The following VPS50 variants were observed in gnomAD, a reference collection of about 807,000 sequenced individuals.
VPS50 encodes syndetin.
VPS50 carries 70 observed loss-of-function variants against 139.7 expected under a neutral mutation model. The observed-to-expected ratio is 0.50, with a 90% confidence interval of 0.41 to 0.61. VPS50 has a LOEUF of 0.61. VPS50 is among the 20% of genes least tolerant of loss of function. The pLI is 0.00. For synonymous variants in VPS50, 365 were observed against 376.7 expected, an observed-to-expected ratio of 0.97 and a Z score of 0.36; for missense variants, 921 against 1,133.7, an observed-to-expected ratio of 0.81 and a Z score of 2.69.
intron 9 of VPS50, 94 bp from the exon 10 acceptor site, chr7:93,271,126 G>T: frequency 6.8e-7 from 1 of 1,477,236 alleles, no homozygotes. Context: ...CTTAATCTTT[G>T]AATTTATGGA....
chr7:93,244,577 T>C (rs753739075), intron 2 of VPS50, among the ~76,000 whole-genome samples: 1 of 151,950 alleles, frequency 6.6e-6, no homozygotes, highest in Non-Finnish European at 1.5e-5. Context: ...ACTTTCTATA[T>C]TGTAATTTTT....
chr7:93,305,166 G>A (rs976378579), intron 17 of VPS50, among the ~76,000 whole-genome samples: 2 of 151,878 alleles, frequency 1.3e-5, no homozygotes, highest in Non-Finnish European at 2.9e-5. Flanking sequence ...AATTAGCTGT[G>A]TGATGTTGAA....
intron 17 of VPS50, among the ~76,000 whole-genome samples, chr7:93,304,348 G>A (rs1562877652): frequency 6.6e-6 from 1 of 151,414 alleles, no homozygotes; most frequent in African/African-American, 2.4e-5. Flanking sequence ...TTTTTTGATA[G>A]GGATTGTCTT....
At chr7:93,260,784 C>T (rs1795645031) in intron 9 of VPS50, among the ~76,000 whole-genome samples, 1 of 152,068 alleles carries the variant, frequency 6.6e-6, no homozygotes, top group Non-Finnish European at 1.5e-5. Flanking sequence ...CAACCTCTGC[C>T]TCCTGGGTTC....
chr7:93,326,513 AAAT>A lies in VPS50; in HGVS notation c.1977+2785_1977+2787del, dbSNP rs1271861581. Reference sequence around the variant, plus strand: ...ATTGAAACCCAGAAAAAAAAATAAAAAATAATGAAAAATATTTATTAAAATAAT... The same window carrying A: ...ATTGAAACCCAGAAAAAAAAATAAAAAATGAAAAATATTTATTAAAATAAT... On this transcript the variant is annotated intron_variant, in intron 21 of 27. Transcript: ENST00000305866. Among the ~76,000 whole-genome samples, 4 of 151,532 alleles carry A rather than the reference AAAT, an allele frequency of 2.6e-5. No homozygotes were observed. In the South Asian group the frequency reaches 6.2e-4, roughly 24 times the overall value.
chr7:93,271,523 T>C (rs764796278), intron 10 of VPS50, among the ~76,000 whole-genome samples: 10 of 151,800 alleles, frequency 6.6e-5, no homozygotes, highest in Non-Finnish European at 1.2e-4. Flanking sequence ...AGGTGTGTTC[T>C]CATATAAATT....
intron 26 of VPS50, among the ~76,000 whole-genome samples, chr7:93,354,684 A>G (rs1007552607): frequency 5.9e-5 from 9 of 152,110 alleles, no homozygotes; most frequent in African/African-American, 2.2e-4. Flanking sequence ...TAAACTCTAT[A>G]AATCTTTCAT....
intron 12 of VPS50, among the ~76,000 whole-genome samples, chr7:93,288,253 A>G (rs1224256034): frequency 6.6e-6 from 1 of 152,136 alleles, no homozygotes; most frequent in Non-Finnish European, 1.5e-5. Context: ...ACTAAGGGAA[A>G]ACATTAAGAC....
intron 13 of VPS50, among the ~76,000 whole-genome samples, chr7:93,294,172 G>A (rs1186726910): frequency 2.6e-5 from 4 of 152,036 alleles, no homozygotes; most frequent in African/African-American, 7.3e-5. Context: ...CTCTTAGCAC[G>A]CATATTAATT....
At chr7:93,342,440 A>C (rs1255579065) in intron 23 of VPS50, among the ~76,000 whole-genome samples, 2 of 152,178 alleles carry the variant, frequency 1.3e-5, no homozygotes, top group Non-Finnish European at 2.9e-5. Flanking sequence ...TAGGTAAACA[A>C]AGCAGCCTGG....
intron 1 of VPS50, among the ~76,000 whole-genome samples, chr7:93,235,850 CT>C (rs947770691): frequency 9.9e-5 from 15 of 152,140 alleles, no homozygotes; most frequent in African/African-American, 3.6e-4. Flanking sequence ...AGCTGAAACT[CT>C]GGGAGTTACA....
intron 20 of VPS50, among the ~76,000 whole-genome samples, chr7:93,311,728 ATGT>A (rs140276748): frequency 0.021 from 3,211 of 152,188 alleles, 126 homozygotes; most frequent in African/African-American, 0.074. Flanking sequence ...ATTATAGGAA[ATGT>A]TGTTTTTGTA....
At position 93,253,928 on chromosome 7, in the gene VPS50, T is replaced by A. The variant is rs367996589; in HGVS notation, c.294T>A (p.Ala98=). ...GAGACAAATTGAAACAACAGCAAGC[T>A]GCAGTAAGTAAAAAAAAAACACATT... The part of the protein sequence containing the change: ...AYRDKLKQQQ[A]AVSKKVADLI... The change falls in exon 4 of 28, where the codon GCT becomes GCA. Residue 98 remains alanine, a synonymous_variant. Transcript: ENST00000305866. 1.9e-6 allele frequency: 3 copies of A among 1,567,226 alleles called. No individual in the cohort carries two copies. Among genetic ancestry groups the A allele is most frequent in the Non-Finnish European group, 2.6e-6 (3 of 1,144,650 alleles).
At chr7:93,343,031 C>T (rs1798271306) in intron 23 of VPS50, among the ~76,000 whole-genome samples, 1 of 152,144 alleles carries the variant, frequency 6.6e-6, no homozygotes, top group Non-Finnish European at 1.5e-5. Flanking sequence ...GATCAAATTA[C>T]TCCGAGCTAC....
At chr7:93,316,392 G>C (rs1226915220) in intron 20 of VPS50, among the ~76,000 whole-genome samples, 1 of 152,184 alleles carries the variant, frequency 6.6e-6, no homozygotes, top group East Asian at 1.9e-4. Flanking sequence ...GTAAATAAGG[G>C]ATTGACTTTG....
chr7:93,274,557 T>C (rs1796097754), intron 11 of VPS50, among the ~76,000 whole-genome samples: 1 of 152,136 alleles, frequency 6.6e-6, no homozygotes, highest in East Asian at 1.9e-4. Context: ...AAAATGTCCC[T>C]TTCAAAATAT....
At chr7:93,255,330 A>G (rs779254135) in intron 4 of VPS50, among the ~76,000 whole-genome samples, 2 of 152,170 alleles carry the variant, frequency 1.3e-5, no homozygotes, top group African/African-American at 2.4e-5. Flanking sequence ...GATTCCTTGC[A>G]TGTGCAGTTC....
intron 9 of VPS50, among the ~76,000 whole-genome samples, chr7:93,267,339 G>T (rs770372971): frequency 4.6e-5 from 7 of 152,052 alleles, no homozygotes; most frequent in Non-Finnish European, 8.8e-5. Flanking sequence ...TCTTGCTAAG[G>T]CTCCTGCAGA....
chr7:93,291,893 G>A (rs1796658619), intron 13 of VPS50, 58 bp downstream of exon 13: 1 of 1,176,962 alleles, frequency 8.5e-7, no homozygotes, highest in South Asian at 1.8e-5. Context: ...CCACATTACT[G>A]GAGTAAGAAG....
Sources: gnomAD v4.1 joint callset for allele counts (sites outside exome capture counted in the v4.1 genomes callset) on GRCh38, gnomAD v4.1.1 for gene constraint, MANE v1.5 for transcripts, NCBI Gene and HGNC (gene_info 2026-07-23, HGNC 2026-07-21) for gene names.